The following GABRB2 variants were observed in gnomAD, a reference collection of about 807,000 sequenced individuals.
GABRB2 encodes gamma-aminobutyric acid receptor subunit beta-2.
In GABRB2, 16 loss-of-function variants were observed where a neutral mutation model predicts 54.7. The ratio of observed to expected loss-of-function variants is 0.29; its 90% CI spans 0.20 to 0.44. The LOEUF is 0.44. Among genes scored for constraint, GABRB2 ranks in the 20% least tolerant of loss-of-function variants. The pLI is 1.00. For missense variants in GABRB2, 355 were observed against 644.0 expected (o/e 0.55, Z 4.86); for synonymous variants, 244 against 233.8 (o/e 1.04, Z -0.40).
At chr5:161,532,214 T>C (rs1049127985) in intron 3 of GABRB2, among the ~76,000 whole-genome samples, 6 of 152,142 alleles carry the variant, frequency 3.9e-5, no homozygotes, top group African/African-American at 1.4e-4. Flanking sequence ...AGCATTCATA[T>C]GTATGTATAT....
chr5:161,437,278 G>A (rs62381569), intron 4 of GABRB2, among the ~76,000 whole-genome samples: 17,176 of 151,642 alleles, frequency 0.11, 1,080 homozygotes, highest in East Asian at 0.2. Flanking sequence ...AGGTGGGAGG[G>A]CTTGGTCTTG....
intron 9 of GABRB2, among the ~76,000 whole-genome samples, chr5:161,304,261 C>T (rs1385384249): frequency 6.6e-6 from 1 of 152,164 alleles, no homozygotes; most frequent in African/African-American, 2.4e-5. Context: ...AAGGGTTTAG[C>T]CCACAGGCTG....
chr5:161,305,118 G>A (rs553384093), intron 9 of GABRB2, among the ~76,000 whole-genome samples: 5 of 142,602 alleles, frequency 3.5e-5, no homozygotes, highest in Admixed American at 2.2e-4. Flanking sequence ...CCGGGTTCAC[G>A]CCATTCTCCT....
intron 3 of GABRB2, among the ~76,000 whole-genome samples, chr5:161,504,738 A>G (rs1478071259): frequency 6.6e-6 from 1 of 151,634 alleles, no homozygotes; most frequent in Non-Finnish European, 1.5e-5. Flanking sequence ...GTAAATCAAT[A>G]AGACTAATAT....
chr5:161,444,407 A>AC (rs1757553822), intron 4 of GABRB2, among the ~76,000 whole-genome samples: 1 of 152,180 alleles, frequency 6.6e-6, no homozygotes, highest in African/African-American at 2.4e-5. Context: ...CTCTCACTAG[A>AC]AAGGGTTTTC....
At chr5:161,521,448 G>A (rs1269315582) in intron 3 of GABRB2, among the ~76,000 whole-genome samples, 7 of 150,804 alleles carry the variant, frequency 4.6e-5, no homozygotes, top group South Asian at 2.1e-4. Flanking sequence ...GTTTATTTTC[G>A]AAAAAAAAGA....
At chr5:161,299,830 T>C (rs1010309383) in intron 9 of GABRB2, among the ~76,000 whole-genome samples, 2 of 152,122 alleles carry the variant, frequency 1.3e-5, no homozygotes, top group African/African-American at 4.8e-5. Flanking sequence ...TATAAGACAG[T>C]ATAGGTAGGG....
chr5:161,543,542 A>C (rs1760883241), intron 3 of GABRB2, among the ~76,000 whole-genome samples: 1 of 152,182 alleles, frequency 6.6e-6, no homozygotes, highest in African/African-American at 2.4e-5. Context: ...CTGAGAGAAG[A>C]GCATAAAAAA....
intron 9 of GABRB2, among the ~76,000 whole-genome samples, chr5:161,323,411 G>A (rs888981480): frequency 4.6e-5 from 7 of 152,062 alleles, no homozygotes; most frequent in Non-Finnish European, 5.9e-5. Flanking sequence ...TGGTTTTCTC[G>A]CATAGCTGTC....
In GABRB2 at chr5:161,530,899, C is replaced by T. The variant is rs1009546580; in HGVS notation, c.237+14328G>A. Among the ~76,000 whole-genome samples the T allele has an allele frequency of 1.2e-4, 19 of 152,046 alleles. 1 individual carries two copies. The highest frequency in any genetic ancestry group is 2.6e-4 in the Non-Finnish European group (18 of 67,996). ...TGCACAGCCTCCCAGATCTGCCCTA[C>T]CCACGTCAGAAGCACACTGGCTTAA... On this transcript the variant is annotated intron_variant, in intron 3 of 9. Coordinates refer to ENST00000393959, the MANE Select transcript of GABRB2 (RefSeq NM_001371727.1).
chr5:161,362,801 A>T (rs1754852546), intron 5 of GABRB2, among the ~76,000 whole-genome samples: 1 of 152,222 alleles, frequency 6.6e-6, no homozygotes. Flanking sequence ...TGGTCATTAG[A>T]GAAATGTAAA....
intron 4 of GABRB2, among the ~76,000 whole-genome samples, chr5:161,451,411 A>G (rs1757783598): frequency 6.6e-6 from 1 of 152,190 alleles, no homozygotes; most frequent in African/African-American, 2.4e-5. Flanking sequence ...AACATAAGAA[A>G]GTCATTCCTT....
chr5:161,344,992 A>T (rs989566640), intron 5 of GABRB2, among the ~76,000 whole-genome samples: 7 of 152,088 alleles, frequency 4.6e-5, no homozygotes, highest in African/African-American at 1.7e-4. Flanking sequence ...GGAGTTGAAC[A>T]GTGAGAACAC....
At chr5:161,300,703 G>A (rs1757511176) in intron 9 of GABRB2, among the ~76,000 whole-genome samples, 1 of 152,168 alleles carries the variant, frequency 6.6e-6, no homozygotes, top group Admixed American at 6.6e-5. Flanking sequence ...GGACTCCTAA[G>A]TGAGTAAATC....
At chr5:161,452,147 T>C (rs1280245695) in intron 4 of GABRB2, among the ~76,000 whole-genome samples, 1 of 152,198 alleles carries the variant, frequency 6.6e-6, no homozygotes, top group Admixed American at 6.5e-5. Context: ...GACTGCTCTT[T>C]TGTGTACCTG....
intron 9 of GABRB2, among the ~76,000 whole-genome samples, chr5:161,311,381 G>A: frequency 6.7e-6 from 1 of 148,224 alleles, no homozygotes; most frequent in Non-Finnish European, 1.5e-5. Flanking sequence ...TGATTCAAAT[G>A]TGCAACTCAG....
In GABRB2 at chr5:161,474,588, G is replaced by A. The variant is rs199831397; in HGVS notation, c.238-14744C>T. Among the ~76,000 whole-genome samples, 5 of 151,820 alleles carry A rather than the reference G, an allele frequency of 3.3e-5. No individual in the cohort carries two copies. In the East Asian group the frequency reaches 9.7e-4, roughly 29 times the overall value. ...TTTACTTTTTATTATTATCAGTCCA[G>A]AAGAAACACATTTTCAGAAGAATAG... On this transcript the variant is annotated intron_variant, in intron 3 of 9. Coordinates refer to ENST00000393959, the MANE Select transcript of GABRB2 (RefSeq NM_001371727.1).
intron 9 of GABRB2, among the ~76,000 whole-genome samples, chr5:161,297,526 T>C (rs1395663348): frequency 2.6e-5 from 4 of 152,102 alleles, no homozygotes; most frequent in Admixed American, 6.5e-5. Flanking sequence ...AGTGAGAACA[T>C]GTAGTGTTTG....
chr5:161,502,798 C>T (rs1313312437), intron 3 of GABRB2, among the ~76,000 whole-genome samples: 1 of 152,188 alleles, frequency 6.6e-6, no homozygotes, highest in Non-Finnish European at 1.5e-5. Flanking sequence ...GTAAAGCAAA[C>T]TACTGGGTAG....
Sources: gnomAD v4.1 joint callset for allele counts (sites outside exome capture counted in the v4.1 genomes callset) on GRCh38, gnomAD v4.1.1 for gene constraint, MANE v1.5 for transcripts, NCBI Gene and HGNC (gene_info 2026-07-23, HGNC 2026-07-21) for gene names.